MAF: variants seen among roughly 807,000 people sequenced by gnomAD.
MAF encodes the protein transcription factor Maf.
In MAF, 10 loss-of-function variants were observed where a neutral mutation model predicts 22.0. The observed-to-expected ratio is 0.45, with a 90% CI of 0.28 to 0.77. The LOEUF is 0.77. MAF is among the 30% of genes least tolerant of loss of function. The probability of loss-of-function intolerance (pLI) is 0.12; values close to 1 mark genes in which losing one functional copy is unlikely to be tolerated. For synonymous variants in MAF, 337 were observed against 255.8 expected (o/e 1.32, Z -3.03); for missense variants, 544 against 548.4 (o/e 0.99, Z 0.08).
At chr16:79,527,534 G>C in the MAF span, among the ~76,000 whole-genome samples, 3 of 152,252 alleles carry the variant, frequency 2.0e-5, no homozygotes, top group South Asian at 2.1e-4. Context: ...TACAAAATGG[G>C]AGATCTGGGG....
the MAF span, chr16:79,211,760 G>T: frequency 4.3e-6 from 7 of 1,614,156 alleles, no homozygotes; most frequent in Non-Finnish European, 5.9e-6. Context: ...TCAGCGAGAG[G>T]CTGATCCAAG....
At chr16:79,298,148 G>A in the MAF span, among the ~76,000 whole-genome samples, 5 of 152,260 alleles carry the variant, frequency 3.3e-5, no homozygotes, top group Non-Finnish European at 5.9e-5. Flanking sequence ...CAGCTCAGGC[G>A]GAGCTTGAGA....
At chr16:79,492,748 A>G in the MAF span, among the ~76,000 whole-genome samples, 3 of 152,332 alleles carry the variant, frequency 2.0e-5, no homozygotes, top group South Asian at 4.1e-4. Flanking sequence ...AAACATACTC[A>G]TGGGAGAAAG....
the MAF span, among the ~76,000 whole-genome samples, chr16:79,391,806 G>A: frequency 6.6e-6 from 1 of 151,854 alleles, no homozygotes; most frequent in African/African-American, 2.4e-5. Flanking sequence ...AAGCAAATGT[G>A]TCCCCCTTTC....
chr16:79,295,080 T>C, the MAF span, among the ~76,000 whole-genome samples: 27 of 151,966 alleles, frequency 1.8e-4, 1 homozygote, highest in Middle Eastern at 6.8e-3. Context: ...TAAATATACT[T>C]TTTTTGGGGG....
At chr16:79,208,213 T>G in the MAF span, among the ~76,000 whole-genome samples, 2 of 152,208 alleles carry the variant, frequency 1.3e-5, no homozygotes, top group African/African-American at 4.8e-5. Flanking sequence ...AGATCGGAAA[T>G]GGCATTCGGG....
chr16:79,590,575 G>C (rs1010897902), downstream of MAF, among the ~76,000 whole-genome samples: 1 of 152,186 alleles, frequency 6.6e-6, no homozygotes, highest in Non-Finnish European at 1.5e-5. Flanking sequence ...TTGGACAGGA[G>C]TCAGGTGGGA....
chr16:79,432,659 A>G, the MAF span, among the ~76,000 whole-genome samples: 16,377 of 152,180 alleles, frequency 0.11, 1,236 homozygotes, highest in East Asian at 0.27. Context: ...TCACTTGTGG[A>G]AGTAGTTAAG....
intron 1 of MAF, chr16:79,596,055 C>T (rs1005995274): frequency 4.7e-6 from 5 of 1,061,558 alleles, no homozygotes; most frequent in South Asian, 9.1e-5. Context: ...AAAAGGCAAG[C>T]GCTGTTTCTC....
At chr16:79,246,540 T>TTGC in the MAF span, among the ~76,000 whole-genome samples, 1 of 101,372 alleles carries the variant, frequency 9.9e-6, no homozygotes, top group African/African-American at 3.5e-5. Flanking sequence ...AGGTTTTTTT[T>TTGC]GGGGGGGGTG....
At chr16:79,434,716 C>T in the MAF span, among the ~76,000 whole-genome samples, 1 of 151,836 alleles carries the variant, frequency 6.6e-6, no homozygotes, top group South Asian at 2.1e-4. Flanking sequence ...ATCATTCATA[C>T]ATATTTTATT....
At chr16:79,369,142 C>A in the MAF span, among the ~76,000 whole-genome samples, 2 of 152,234 alleles carry the variant, frequency 1.3e-5, no homozygotes, top group African/African-American at 4.8e-5. Context: ...TCACAATCAG[C>A]TTTGCAAATG....
chr16:79,502,708 A>AATATAAATATATATACATATATATAT, the MAF span, among the ~76,000 whole-genome samples: 1 of 34,006 alleles, frequency 2.9e-5, no homozygotes, highest in Non-Finnish European at 5.6e-5. Flanking sequence ...TATAAATATA[A>AATATAAATATATATACATATATATAT]ATATATATAT....
At chr16:79,260,154 G>A in the MAF span, among the ~76,000 whole-genome samples, 1 of 152,104 alleles carries the variant, frequency 6.6e-6, no homozygotes, top group Non-Finnish European at 1.5e-5. Context: ...ATTTTGTTTG[G>A]TGTTTGTTTA....
At chr16:79,227,929 G>T in the MAF span, among the ~76,000 whole-genome samples, 7 of 151,946 alleles carry the variant, frequency 4.6e-5, no homozygotes, top group Non-Finnish European at 1.0e-4. Flanking sequence ...TTTGAGACAG[G>T]GTCTTTCTCT....
At chr16:79,436,375 G>A in the MAF span, among the ~76,000 whole-genome samples, 5 of 152,140 alleles carry the variant, frequency 3.3e-5, no homozygotes, top group South Asian at 2.1e-4. Flanking sequence ...GAGCCACCGC[G>A]TCTGGCTGAG....
the MAF span, among the ~76,000 whole-genome samples, chr16:79,254,609 C>T: frequency 1.3e-5 from 2 of 152,128 alleles, no homozygotes; most frequent in Non-Finnish European, 2.9e-5. Flanking sequence ...TTGTCAGAGC[C>T]TGTGTTACAT....
At chr16:79,368,955 G>A in the MAF span, among the ~76,000 whole-genome samples, 1 of 151,994 alleles carries the variant, frequency 6.6e-6, no homozygotes, top group Non-Finnish European at 1.5e-5. Context: ...GTTGTTTTTT[G>A]TTGTTTTGCT....
At chr16:79,485,346 A>G in the MAF span, among the ~76,000 whole-genome samples, 1 of 152,234 alleles carries the variant, frequency 6.6e-6, no homozygotes, top group Non-Finnish European at 1.5e-5. Context: ...ATTGGCACAC[A>G]GGAAGTACTG....
Sources: allele counts gnomAD v4.1 joint callset (sites outside exome capture counted in the v4.1 genomes callset), GRCh38; gene constraint gnomAD v4.1.1; transcripts MANE v1.5; gene names NCBI Gene and HGNC (gene_info 2026-07-23, HGNC 2026-07-21).